Variants in SHC2 observed in about 807,000 individuals in gnomAD.
The protein encoded by SHC2 is SHC adaptor protein 2, also known as SHC-transforming protein 2.
In SHC2, 62 loss-of-function variants were observed where a neutral mutation model predicts 60.6. The observed-to-expected ratio is 1.02, with a 90% CI of 0.83 to 1.26. The LOEUF is 1.26. Ranked by LOEUF, SHC2 falls within the 50% of genes most tolerant of loss-of-function variation. SHC2 has a pLI of 0.00. For synonymous variants in SHC2, 375 were observed against 372.4 expected (o/e 1.01, Z -0.08); for missense variants, 873 against 822.2 (o/e 1.06, Z -0.76).
rs190832689 is a variant in SHC2, at chr19:454,668, T to C, written c.468+5861A>G. Among the ~76,000 whole-genome samples the C allele has an allele frequency of 4.2e-3, 638 of 152,216 alleles. 4 individuals carry two copies. The highest frequency in any genetic ancestry group is 0.015 in the African/African-American group (605 of 41,546). On this transcript the variant is annotated intron_variant, in intron 1 of 12. Coordinates refer to ENST00000264554, the MANE Select transcript of SHC2 (RefSeq NM_012435.3). ...AGCTGAGCATGGTGGCGGGCGCCTG[T>C]AGTCCCAGCTACTCAGGAGGCTGAG...
rs1974831724 is a variant in SHC2 at position 440,258 on chromosome 19, G to A, written c.539+604C>T. Among the ~76,000 whole-genome samples, 1 of 152,024 alleles carries A rather than the reference G, an allele frequency of 6.6e-6. No homozygotes were observed. Among genetic ancestry groups the A allele is most frequent in the African/African-American group, 2.4e-5 (1 of 41,372 alleles). Reference sequence around the variant, plus strand: ...TGTGATGGGGACGGGGTGTTTTGATGGGGTAATGAGAATGTTCGGAACTAG... The same window carrying A: ...TGTGATGGGGACGGGGTGTTTTGATAGGGTAATGAGAATGTTCGGAACTAG... On this transcript the variant is annotated intron_variant, in intron 2 of 12. Coordinates refer to ENST00000264554, the MANE Select transcript of SHC2 (RefSeq NM_012435.3). The surrounding 1 kb of genome is among the most constrained non-coding windows in gnomAD (Gnocchi z 7.0).
chr19:436,242 G>T lies in SHC2; in HGVS notation c.876C>A (p.Ser292Arg). Reference protein sequence around the residue: ...CCEGLAQSIISTVGQAFELRF... With the variant: ...CCEGLAQSIIRTVGQAFELRF... ...GCAGCTCGAAAGCTTGGCCCACGGTGCTGATGATGCTCTGTGCCAGGCCCT... is the reference window on the plus strand; with the variant it reads ...GCAGCTCGAAAGCTTGGCCCACGGTTCTGATGATGCTCTGTGCCAGGCCCT... The change falls in exon 7 of 13, where the codon AGC (serine) becomes AGA (arginine). Residue 292 changes from serine to arginine, a missense_variant. By Grantham distance (110) the Ser-to-Arg change is moderately radical. Coordinates refer to ENST00000264554, the MANE Select transcript of SHC2 (RefSeq NM_012435.3). The T allele has an allele frequency of 6.3e-7, 1 of 1,598,036 alleles. No individual in the cohort carries two copies. Among genetic ancestry groups the T allele is most frequent in the Admixed American group, 1.7e-5 (1 of 57,378 alleles).
rs368659991 is a variant in SHC2 at position 440,878 on chromosome 19, G to A, written c.523C>T (p.Arg175Cys). The A allele has an allele frequency of 6.2e-6, 10 of 1,612,616 alleles. No homozygotes were observed. The highest frequency in any genetic ancestry group is 2.7e-5 in the African/African-American group (2 of 74,932). ...GAGGCTCACCTGGTCACCTGCGTGC[G>A]CGTGTTAAAGTCCAGGGAGCGCATA... ...RSMRSLDFNTRTQVTREAINR... is the reference protein window; with the variant it reads ...RSMRSLDFNTCTQVTREAINR... Residue 175 changes from arginine to cysteine, a missense_variant, in exon 2 of 13, where the codon CGC (arginine) becomes TGC (cysteine). Arg to Cys is a radical substitution (Grantham distance 180). Transcript: ENST00000264554. The surrounding 1 kb of genome is among the most constrained non-coding windows in gnomAD (Gnocchi z 7.0).
chr19:446,428 A>G lies in SHC2; in HGVS notation c.469-5496T>C, dbSNP rs988068759. Among the ~76,000 whole-genome samples the G allele has an allele frequency of 6.6e-6, 1 of 152,104 alleles. No individual in the cohort carries two copies. Among genetic ancestry groups the G allele is most frequent in the African/African-American group, 2.4e-5 (1 of 41,400 alleles). ...CGGGTTCACACCATTCTCCTGTCTC[A>G]GCCTCCTGAGTAGCTGGGATTACAG... On this transcript the variant is annotated intron_variant, in intron 1 of 12. Transcript: ENST00000264554. This position sits in a 1 kb window ranked among gnomAD's most constrained non-coding sequence, Gnocchi z 5.4.
intron 7 of SHC2, 25 bp downstream of exon 7, chr19:436,140 G>C: frequency 1.2e-6 from 2 of 1,608,970 alleles, no homozygotes; most frequent in Non-Finnish European, 1.7e-6. Context: ...TGTCCCCAGG[G>C]CACGGGGGAG....
intron 1 of SHC2, among the ~76,000 whole-genome samples, chr19:452,849 G>GC (rs1426813837): frequency 2.0e-5 from 3 of 152,198 alleles, no homozygotes; most frequent in Non-Finnish European, 4.4e-5. Context: ...CAGGTCTGGG[G>GC]TGGGGCTCGA....
intron 8 of SHC2, among the ~76,000 whole-genome samples, chr19:434,404 C>T (rs1424482136): frequency 3.9e-4 from 1 of 2,594 alleles, no homozygotes; most frequent in African/African-American, 2.3e-3. Context: ...GATCGTGAGT[C>T]TGTGAGTGAG....
chr19:457,913 C>T (rs1283130546), intron 1 of SHC2, among the ~76,000 whole-genome samples: 1 of 152,220 alleles, frequency 6.6e-6, no homozygotes. Context: ...CCCAACCAGG[C>T]CTGGCATCCG....
chr19:454,115 A>G (rs1975272013), intron 1 of SHC2, among the ~76,000 whole-genome samples: 1 of 152,240 alleles, frequency 6.6e-6, no homozygotes, highest in Admixed American at 6.5e-5. Flanking sequence ...CGAGCTGTCC[A>G]GCACGGCAGC....
rs747308267 is a variant in SHC2, at chr19:438,681, G to A, written c.720+37C>T. The A allele has an allele frequency of 1.6e-5, 25 of 1,545,600 alleles. No individual in the cohort carries two copies. The highest frequency in any genetic ancestry group is 3.6e-5 in the South Asian group (3 of 83,790). On this transcript the variant is annotated intron_variant, in intron 4 of 12. Coordinates refer to ENST00000264554, the MANE Select transcript of SHC2 (RefSeq NM_012435.3). The surrounding 1 kb of genome is among the most constrained non-coding windows in gnomAD (Gnocchi z 5.0). ...CCTCCTAGGACTCCTGGCCCCTCTGGGGGTCTGGGGACGCCAGGCGAAGAG... is the reference window on the plus strand; with the variant it reads ...CCTCCTAGGACTCCTGGCCCCTCTGAGGGTCTGGGGACGCCAGGCGAAGAG...
chr19:431,187 GTATT>G (rs1165024135), intron 8 of SHC2, among the ~76,000 whole-genome samples: 1 of 152,028 alleles, frequency 6.6e-6, no homozygotes, highest in Non-Finnish European at 1.5e-5. Flanking sequence ...AATCATTGCC[GTATT>G]TATTTAGTGT....
At chr19:447,721 T>C (rs746810670) in intron 1 of SHC2, among the ~76,000 whole-genome samples, 51 of 152,028 alleles carry the variant, frequency 3.4e-4, no homozygotes, top group Non-Finnish European at 5.4e-4. Flanking sequence ...GAGGTTGCGG[T>C]GAGCCGAGAT....
At position 446,658 on chromosome 19, in the gene SHC2, G is replaced by C. The variant is rs1975061496; in HGVS notation, c.469-5726C>G. On this transcript the variant is annotated intron_variant, in intron 1 of 12. Coordinates refer to ENST00000264554, the MANE Select transcript of SHC2 (RefSeq NM_012435.3). This position sits in a 1 kb window ranked among gnomAD's most constrained non-coding sequence, Gnocchi z 5.4. ...GTGGTGGTTTGTGGTGGCAGCCCCGGGACCCTCCCACAGAAGATGGGGAGG... is the reference window on the plus strand; with the variant it reads ...GTGGTGGTTTGTGGTGGCAGCCCCGCGACCCTCCCACAGAAGATGGGGAGG... Among the ~76,000 whole-genome samples the C allele has an allele frequency of 6.6e-6, 1 of 152,102 alleles. No homozygotes were observed. The highest frequency in any genetic ancestry group is 6.5e-5 in the Admixed American group (1 of 15,276).
chr19:459,568 G>A (rs900876640), intron 1 of SHC2, among the ~76,000 whole-genome samples: 4 of 142,502 alleles, frequency 2.8e-5, no homozygotes, highest in African/African-American at 1.2e-4. Context: ...CAGCGTAGGG[G>A]GAAGGACCCC....
rs200138687 is a variant in SHC2, at chr19:421,920, T to C, written c.1620+226A>G. ...GCCAGACTCTGTCTCAAAAATAAAC[T>C]GGAAAATACTTTGTAATTCTACAGT... On this transcript the variant is annotated intron_variant, in intron 11 of 12. Transcript: ENST00000264554. Among the ~76,000 whole-genome samples the C allele has an allele frequency of 2.9e-4, 44 of 152,222 alleles. No individual in the cohort carries two copies. In the East Asian group the frequency reaches 7.5e-3, roughly 26 times the overall value.
At chr19:434,911 G>A (rs774443738) in intron 7 of SHC2, 46 bp from the exon 8 acceptor site, 1 of 1,577,450 alleles carries the variant, frequency 6.3e-7, no homozygotes, top group Non-Finnish European at 8.6e-7. Context: ...GGGCCCAAGG[G>A]GGCTAAAGCC....
rs541482751 is a variant in SHC2 at position 441,808 on chromosome 19, A to G, written c.469-876T>C. ...AAAAATGCAACATGCAAAATGATGA[A>G]TAACGTTATGTGAAGTCCACCTCAG... On this transcript the variant is annotated intron_variant, in intron 1 of 12. Coordinates refer to ENST00000264554, the MANE Select transcript of SHC2 (RefSeq NM_012435.3). The surrounding 1 kb of genome is among the most constrained non-coding windows in gnomAD (Gnocchi z 4.9). Among the ~76,000 whole-genome samples, 4 of 152,376 alleles carry G rather than the reference A, an allele frequency of 2.6e-5. No individual in the cohort carries two copies. Among genetic ancestry groups the G allele is most frequent in the African/African-American group, 9.6e-5 (4 of 41,586 alleles).
At chr19:420,426 G>A (rs1377507239) in intron 11 of SHC2, among the ~76,000 whole-genome samples, 3 of 152,206 alleles carry the variant, frequency 2.0e-5, no homozygotes, top group African/African-American at 7.2e-5. Context: ...CCTACGCTCT[G>A]AGAGGCCTCC....
rs1285655376 is a variant in SHC2, at chr19:445,802, G to C, written c.469-4870C>G. Among the ~76,000 whole-genome samples the C allele has an allele frequency of 6.6e-6, 1 of 152,162 alleles. No individual in the cohort carries two copies. The highest frequency in any genetic ancestry group is 3.2e-3 in the Middle Eastern group (1 of 316). ...TAATCCCAGCACTTTGGGAGGCCGA[G>C]GTGAGTGGATCACTTGAGGTCAGGA... On this transcript the variant is annotated intron_variant, in intron 1 of 12. Coordinates refer to ENST00000264554, the MANE Select transcript of SHC2 (RefSeq NM_012435.3). The surrounding 1 kb of genome is among the most constrained non-coding windows in gnomAD (Gnocchi z 4.4).
Sources: gnomAD v4.1 joint callset for allele counts (sites outside exome capture counted in the v4.1 genomes callset) on GRCh38, gnomAD v4.1.1 for gene constraint, Gnocchi (gnomAD v3.1) non-coding constraint, MANE v1.5 for transcripts, NCBI Gene and HGNC (gene_info 2026-07-23, HGNC 2026-07-21) for gene names.